The following CCDC149 variants were observed in gnomAD, a reference collection of about 807,000 sequenced individuals.
CCDC149 encodes the protein coiled-coil domain containing 149.
Under a neutral mutation model 59.9 loss-of-function variants are expected in CCDC149, and 45 were observed. The ratio of observed to expected loss-of-function variants is 0.75; its 90% CI spans 0.59 to 0.96. CCDC149 has a LOEUF of 0.96. CCDC149 is among the 40% of genes least tolerant of loss of function. The pLI, the probability that CCDC149 is intolerant of heterozygous loss-of-function variation, is 0.00. For synonymous variants in CCDC149, 245 were observed against 260.6 expected, an observed-to-expected ratio of 0.94 and a Z score of 0.58; for missense variants, 584 against 664.7, an observed-to-expected ratio of 0.88 and a Z score of 1.33.
intron 1 of CCDC149, among the ~76,000 whole-genome samples, chr4:24,950,157 G>A (rs909800045): frequency 1.3e-5 from 2 of 152,242 alleles, no homozygotes; most frequent in African/African-American, 2.4e-5. Flanking sequence ...TGAGGTGGCA[G>A]AGAGAGTATG....
chr4:24,975,493 G>A (rs908723484), intron 1 of CCDC149, among the ~76,000 whole-genome samples: 6 of 143,966 alleles, frequency 4.2e-5, no homozygotes, highest in Non-Finnish European at 7.6e-5. Context: ...GGGAGGAGAG[G>A]GGACAGGAGA....
At chr4:24,904,285 T>C (rs1000214816) in intron 1 of CCDC149, among the ~76,000 whole-genome samples, 3 of 152,206 alleles carry the variant, frequency 2.0e-5, no homozygotes, top group South Asian at 2.1e-4. Flanking sequence ...GAGTACAAAA[T>C]AGTCACTCAT....
At chr4:24,874,569 GAGAC>G (rs1049549629) in intron 2 of CCDC149, among the ~76,000 whole-genome samples, 1 of 152,028 alleles carries the variant, frequency 6.6e-6, no homozygotes, top group African/African-American at 2.4e-5. Flanking sequence ...GCAACAGAGT[GAGAC>G]TCTGTCTCAC....
Position 24,808,099 on chromosome 4 carries a change from C to T in CCDC149, c.*290G>A, listed in dbSNP as rs1714324550. The stretch of plus-strand genomic sequence containing the variant: ...ACAAAAGCTGACAGAAAGACGGATG[C>T]TGAAAACCAGCCATATGGTGGACAC... On this transcript the variant is annotated 3_prime_UTR_variant, in exon 13 of 13. Coordinates refer to ENST00000635206, the MANE Select transcript of CCDC149 (RefSeq NM_001330643.2). 7.3e-6 allele frequency: 2 copies of T among 274,800 alleles called. No individual in the cohort carries two copies. Among genetic ancestry groups the T allele is most frequent in the South Asian group, 3.3e-4 (2 of 6,044 alleles). 17.0% of individuals were successfully genotyped at this position (274,800 alleles called of 1,614,324 possible).
At chr4:24,921,181 G>T (rs563131365) in intron 1 of CCDC149, among the ~76,000 whole-genome samples, 2 of 152,294 alleles carry the variant, frequency 1.3e-5, no homozygotes, top group South Asian at 4.1e-4. Context: ...ATTTAATGAG[G>T]ACTTGCCATA....
At chr4:24,898,666 A>T (rs999692654) in intron 1 of CCDC149, among the ~76,000 whole-genome samples, 4 of 152,122 alleles carry the variant, frequency 2.6e-5, no homozygotes, top group African/African-American at 9.7e-5. Flanking sequence ...ACCACCCACC[A>T]TTCTGAGGAC....
chr4:24,876,292 TACACACACACACACACACACAC>T (rs61406129), intron 2 of CCDC149, among the ~76,000 whole-genome samples: 11 of 124,804 alleles, frequency 8.8e-5, no homozygotes, highest in South Asian at 2.9e-4. Flanking sequence ...CATACACACG[TACACACACACACACACACACAC>T]ACACACACAC....
intron 3 of CCDC149, among the ~76,000 whole-genome samples, chr4:24,873,428 T>C (rs1009385217): frequency 1.4e-4 from 22 of 152,174 alleles, no homozygotes; most frequent in Admixed American, 1.4e-3. Context: ...TGCCCTCAAC[T>C]CTATCTCCCA....
intron 1 of CCDC149, among the ~76,000 whole-genome samples, chr4:24,958,976 T>A (rs1239056309): frequency 6.6e-6 from 1 of 151,590 alleles, no homozygotes; most frequent in East Asian, 2.0e-4. Flanking sequence ...GAGGTTGCAG[T>A]AAGCCGAGAT....
intron 4 of CCDC149, 135 bp downstream of exon 4, chr4:24,852,937 A>G (rs935339768): frequency 2.2e-5 from 14 of 644,484 alleles, no homozygotes; most frequent in Non-Finnish European, 3.2e-5. Flanking sequence ...TAAACTGCGA[A>G]TTTTCATTAT....
intron 10 of CCDC149, among the ~76,000 whole-genome samples, chr4:24,821,861 T>A (rs1444932546): frequency 6.6e-6 from 1 of 152,160 alleles, no homozygotes; most frequent in Admixed American, 6.5e-5. Context: ...TACCAGAGCT[T>A]CCAAACACAG....
upstream of CCDC149, among the ~76,000 whole-genome samples, chr4:24,916,213 C>A (rs564806548): frequency 6.6e-6 from 1 of 152,214 alleles, no homozygotes; most frequent in Non-Finnish European, 1.5e-5. Context: ...TATTCATAGC[C>A]CCGGGACCAG....
At chr4:24,921,770 T>C (rs938632970) in intron 1 of CCDC149, among the ~76,000 whole-genome samples, 1 of 152,036 alleles carries the variant, frequency 6.6e-6, no homozygotes, top group Non-Finnish European at 1.5e-5. Context: ...GTTTAAAGAG[T>C]TTTTTTAAAG....
At chr4:24,955,668 G>A (rs1449836458) in intron 1 of CCDC149, among the ~76,000 whole-genome samples, 1 of 152,162 alleles carries the variant, frequency 6.6e-6, no homozygotes, top group Non-Finnish European at 1.5e-5. Context: ...GAGGTACTTA[G>A]AGCAGTCAAA....
intron 1 of CCDC149, among the ~76,000 whole-genome samples, chr4:24,886,665 A>C (rs978187763): frequency 1.3e-5 from 2 of 152,222 alleles, no homozygotes; most frequent in Admixed American, 1.3e-4. Flanking sequence ...TTTTGAATAA[A>C]GATTGAAAAA....
At chr4:24,920,462 T>C (rs1303946138) in intron 1 of CCDC149, among the ~76,000 whole-genome samples, 2 of 152,194 alleles carry the variant, frequency 1.3e-5, no homozygotes, top group African/African-American at 4.8e-5. Flanking sequence ...TCCCAAGAGC[T>C]AATGTTCCAA....
intron 2 of CCDC149, among the ~76,000 whole-genome samples, chr4:24,875,503 ATTT>A (rs34722418): frequency 6.9e-6 from 1 of 144,128 alleles, no homozygotes; most frequent in Non-Finnish European, 1.5e-5. Flanking sequence ...TTCTCCATGA[ATTT>A]TTTTTTTTTT....
intron 1 of CCDC149, among the ~76,000 whole-genome samples, chr4:24,946,999 A>G (rs1455953324): frequency 3.3e-5 from 5 of 152,196 alleles, no homozygotes; most frequent in Non-Finnish European, 7.3e-5. Context: ...AGTCGATTTC[A>G]ATAGCTTCCT....
At chr4:24,815,071 G>A (rs1714925362) in intron 12 of CCDC149, among the ~76,000 whole-genome samples, 1 of 152,160 alleles carries the variant, frequency 6.6e-6, no homozygotes, top group African/African-American at 2.4e-5. Flanking sequence ...GTTCCATAGT[G>A]GGGACTTAAT....
Sources: gnomAD v4.1 joint callset for allele counts (sites outside exome capture counted in the v4.1 genomes callset) on GRCh38, gnomAD v4.1.1 for gene constraint, MANE v1.5 for transcripts, NCBI Gene and HGNC (gene_info 2026-07-23, HGNC 2026-07-21) for gene names.